Variants in SPAG16 observed in about 807,000 individuals in gnomAD.
SPAG16 encodes sperm-associated antigen 16 protein.
SPAG16 carries 86 observed loss-of-function variants against 80.4 expected under a neutral mutation model. The observed-to-expected ratio is 1.07, with a 90% CI of 0.90 to 1.28. SPAG16 has a LOEUF of 1.28. Among genes scored for constraint, SPAG16 ranks in the 50% most tolerant of loss-of-function variants. The pLI is 0.00. For synonymous variants in SPAG16, 294 were observed against 265.9 expected, an observed-to-expected ratio of 1.11 and a Z score of -1.03; for missense variants, 870 against 765.3, an observed-to-expected ratio of 1.14 and a Z score of -1.61.
At chr2:213,546,395 A>C (rs1481340668) in intron 10 of SPAG16, among the ~76,000 whole-genome samples, 1 of 152,118 alleles carries the variant, frequency 6.6e-6, no homozygotes, top group Admixed American at 6.5e-5. Flanking sequence ...TTAAAGCAGA[A>C]GTTAGATATG....
chr2:214,044,164 G>A (rs2049184051), intron 13 of SPAG16, among the ~76,000 whole-genome samples: 1 of 152,054 alleles, frequency 6.6e-6, no homozygotes, highest in South Asian at 2.1e-4. Context: ...CCATAAAAAT[G>A]TAATACAAAG....
chr2:213,671,738 G>C (rs1340147408), intron 10 of SPAG16, among the ~76,000 whole-genome samples: 2 of 152,170 alleles, frequency 1.3e-5, no homozygotes, highest in South Asian at 2.1e-4. Flanking sequence ...GTTATGGCCA[G>C]GGTGCTGCAG....
At chr2:213,825,816 G>A (rs2073257818) in intron 10 of SPAG16, among the ~76,000 whole-genome samples, 1 of 150,602 alleles carries the variant, frequency 6.6e-6, no homozygotes, top group Non-Finnish European at 1.5e-5. Flanking sequence ...TCTTGGGATA[G>A]TTTTAGAGGG....
intron 15 of SPAG16, among the ~76,000 whole-genome samples, chr2:214,262,860 T>C (rs1300208606): frequency 6.6e-6 from 1 of 152,134 alleles, no homozygotes; most frequent in African/African-American, 2.4e-5. Context: ...CTATTGTGAA[T>C]CAGTAGTTTT....
chr2:213,780,571 C>CTTTTTTTTTTTTTT (rs367744311), intron 10 of SPAG16, among the ~76,000 whole-genome samples: 2 of 124,616 alleles, frequency 1.6e-5, no homozygotes, highest in Non-Finnish European at 3.3e-5. Context: ...TCTTTTCTTT[C>CTTTTTTTTTTTTTT]TTTTTTTTTT....
intron 12 of SPAG16, among the ~76,000 whole-genome samples, chr2:213,935,201 C>CAAAAA (rs397872306): frequency 9.7e-6 from 1 of 102,770 alleles, no homozygotes; most frequent in Non-Finnish European, 2.0e-5. Flanking sequence ...GACTCCATCT[C>CAAAAA]AAAAAAAAAA....
intron 15 of SPAG16, among the ~76,000 whole-genome samples, chr2:214,175,637 G>A (rs957062829): frequency 2.6e-5 from 4 of 151,522 alleles, no homozygotes; most frequent in Non-Finnish European, 3.0e-5. Flanking sequence ...GTCAAAAGAA[G>A]GGGTGATAGA....
At chr2:213,565,924 A>C (rs1277017436) in intron 10 of SPAG16, among the ~76,000 whole-genome samples, 1 of 152,194 alleles carries the variant, frequency 6.6e-6, no homozygotes, top group African/African-American at 2.4e-5. Flanking sequence ...GGAAAATACC[A>C]GTCCTGCTAA....
chr2:214,050,438 G>A (rs2049581349), intron 13 of SPAG16, among the ~76,000 whole-genome samples: 1 of 152,040 alleles, frequency 6.6e-6, no homozygotes, highest in East Asian at 1.9e-4. Flanking sequence ...ATATCTGAGT[G>A]GTCTGATCTG....
chr2:214,142,137 C>G (rs2055394115), intron 14 of SPAG16, among the ~76,000 whole-genome samples: 1 of 152,012 alleles, frequency 6.6e-6, no homozygotes, highest in Non-Finnish European at 1.5e-5. Flanking sequence ...TTCCAATCCA[C>G]TCACTTTCTT....
At chr2:213,675,145 G>T (rs2063996872) in intron 10 of SPAG16, among the ~76,000 whole-genome samples, 1 of 152,194 alleles carries the variant, frequency 6.6e-6, no homozygotes, top group Admixed American at 6.5e-5. Flanking sequence ...GTGATGGTGA[G>T]CATGTTTTCA....
intron 15 of SPAG16, among the ~76,000 whole-genome samples, chr2:214,299,969 T>A (rs1390468493): frequency 1.3e-5 from 2 of 152,178 alleles, no homozygotes; most frequent in Non-Finnish European, 2.9e-5. Context: ...GGGACTTTTA[T>A]CAACTTTATA....
In SPAG16 at chr2:213,546,888, T is replaced by C. The variant is rs201776711; in HGVS notation, c.1070+56798T>C. Among the ~76,000 whole-genome samples the C allele has an allele frequency of 1.5e-4, 23 of 152,264 alleles. No homozygotes were observed. In the East Asian group the frequency reaches 4.0e-3, roughly 27 times the overall value. Reference sequence around the variant, plus strand: ...GGCGAATTGGAAATATAAACCTGTTTAATGAATGTGTTCTTAAAATACCCT... The same window carrying C: ...GGCGAATTGGAAATATAAACCTGTTCAATGAATGTGTTCTTAAAATACCCT... On this transcript the variant is annotated intron_variant, in intron 10 of 15. Transcript: ENST00000331683.
At chr2:213,684,176 A>C (rs1291803556) in intron 10 of SPAG16, among the ~76,000 whole-genome samples, 1 of 152,246 alleles carries the variant, frequency 6.6e-6, no homozygotes, top group Admixed American at 6.5e-5. Context: ...AAGATTAATT[A>C]ACCCGAATTT....
chr2:214,050,324 G>A (rs1032697922), intron 13 of SPAG16, among the ~76,000 whole-genome samples: 8 of 151,844 alleles, frequency 5.3e-5, no homozygotes, highest in African/African-American at 9.7e-5. Context: ...TTTATCTTGC[G>A]GATCCCAGGA....
At chr2:213,837,638 AG>A (rs1434664836) in intron 10 of SPAG16, among the ~76,000 whole-genome samples, 7 of 152,262 alleles carry the variant, frequency 4.6e-5, no homozygotes, top group Admixed American at 3.9e-4. Flanking sequence ...TGTATTAGGC[AG>A]AATAATGCAC....
intron 6 of SPAG16, among the ~76,000 whole-genome samples, chr2:213,345,828 T>C (rs910465695): frequency 2.6e-4 from 40 of 152,234 alleles, no homozygotes; most frequent in African/African-American, 9.4e-4. Flanking sequence ...GCTTCCAGCT[T>C]TGTTCTTTTT....
At chr2:213,903,602 G>A (rs576063191) in intron 11 of SPAG16, among the ~76,000 whole-genome samples, 231 of 152,150 alleles carry the variant, frequency 1.5e-3, no homozygotes, top group African/African-American at 5.4e-3. Flanking sequence ...GTGATGGGAG[G>A]GGCTGCCATG....
At chr2:213,702,787 C>T (rs1157755181) in intron 10 of SPAG16, among the ~76,000 whole-genome samples, 6 of 151,978 alleles carry the variant, frequency 3.9e-5, no homozygotes, top group Non-Finnish European at 8.8e-5. Flanking sequence ...TTTGAAAAGG[C>T]CTATTTCTAG....
Sources: gnomAD v4.1 joint callset for allele counts (sites outside exome capture counted in the v4.1 genomes callset) on GRCh38, gnomAD v4.1.1 for gene constraint, MANE v1.5 for transcripts, NCBI Gene and HGNC (gene_info 2026-07-23, HGNC 2026-07-21) for gene names.